The following ITGA4 variants were observed in gnomAD, a reference collection of about 807,000 sequenced individuals.
The protein encoded by ITGA4 is integrin alpha-4.
A neutral mutation model predicts 133.6 loss-of-function variants in ITGA4; 63 were observed. The ratio of observed to expected loss-of-function variants is 0.47; its 90% CI spans 0.38 to 0.58. The LOEUF (loss-of-function observed/expected upper bound fraction) is 0.58. ITGA4 is among the 20% of genes least tolerant of loss of function. The pLI, the probability that ITGA4 is intolerant of heterozygous loss-of-function variation, is 0.00. For synonymous variants in ITGA4, 483 were observed against 438.0 expected, an observed-to-expected ratio of 1.10 and a Z score of -1.28; for missense variants, 1,076 against 1,252.7, an observed-to-expected ratio of 0.86 and a Z score of 2.13.
intron 20 of ITGA4, 84 bp downstream of exon 20, chr2:181,524,334 T>C: frequency 1.3e-6 from 1 of 741,570 alleles, no homozygotes; most frequent in Non-Finnish European, 2.2e-6. Flanking sequence ...TAAAACTGTG[T>C]TCCATTAATT....
At chr2:181,512,734 G>T (rs144953356) in intron 17 of ITGA4, among the ~76,000 whole-genome samples, 3 of 152,006 alleles carry the variant, frequency 2.0e-5, no homozygotes, top group Non-Finnish European at 4.4e-5. Context: ...AAAATGTGAC[G>T]GGTGGTGAAA....
At chr2:181,524,981 T>G (rs1686803747) in intron 20 of ITGA4, among the ~76,000 whole-genome samples, 1 of 151,988 alleles carries the variant, frequency 6.6e-6, no homozygotes, top group African/African-American at 2.4e-5. Context: ...AATTCCTCTA[T>G]CTAGCATTAG....
chr2:181,460,701 CA>C (rs1269258168), intron 2 of ITGA4, among the ~76,000 whole-genome samples: 3 of 151,622 alleles, frequency 2.0e-5, no homozygotes, highest in Non-Finnish European at 4.4e-5. Context: ...ATAATACATT[CA>C]AAAAATAGTG....
chr2:181,495,349 T>G lies in ITGA4; in HGVS notation c.1340-22T>G, dbSNP rs1686136258. On this transcript the variant is annotated intron_variant, in intron 12 of 27. Transcript: ENST00000397033. This position sits in a 1 kb window ranked among gnomAD's most constrained non-coding sequence, Gnocchi z 4.3. Reference sequence around the variant, plus strand: ...CTTTGACTAATGATGATCATTAATCTGTGTTGTTTTTTATCCTCCAGATGT... The same window carrying G: ...CTTTGACTAATGATGATCATTAATCGGTGTTGTTTTTTATCCTCCAGATGT... 1.3e-6 allele frequency: 2 copies of G among 1,588,776 alleles called. No homozygotes were observed. The highest frequency in any genetic ancestry group is 1.7e-5 in the Admixed American group (1 of 59,890).
At chr2:181,513,818 C>G (rs1686554136) in intron 17 of ITGA4, among the ~76,000 whole-genome samples, 1 of 152,166 alleles carries the variant, frequency 6.6e-6, no homozygotes, top group African/African-American at 2.4e-5. Context: ...TAAATCTCAC[C>G]TGTTTCCTAG....
chr2:181,537,980 T>TAG lies in ITGA4; in HGVS notation c.*2456_*2457dup. On this transcript the variant is annotated 3_prime_UTR_variant, in exon 28 of 28. Coordinates refer to ENST00000397033, the MANE Select transcript of ITGA4 (RefSeq NM_000885.6). ...ATGGTGAACTGGTATGTGAGGGATCTAGAGTGCCATGTTCCTCAAGAGAAT... is the reference window on the plus strand; with the variant it reads ...ATGGTGAACTGGTATGTGAGGGATCTAGAGAGTGCCATGTTCCTCAAGAGAAT... 1 of 666,598 alleles carries TAG rather than the reference T, an allele frequency of 1.5e-6. No individual in the cohort carries two copies. The highest frequency in any genetic ancestry group is 2.8e-6 in the Non-Finnish European group (1 of 356,108). The allele number at this position is 666,598 out of a possible 1,614,324, so 41.3% of individuals were successfully genotyped here.
At position 181,537,213 on chromosome 2, in the gene ITGA4, ACTGTCTTCTCCAGGATGGT is replaced by A. The variant is rs1438225553; in HGVS notation, c.*1689_*1707del. The A allele has an allele frequency of 1.5e-5, 7 of 453,784 alleles. No homozygotes were observed. The highest frequency in any genetic ancestry group is 3.1e-5 in the Non-Finnish European group (7 of 226,730). 28.1% of individuals were successfully genotyped at this position (453,784 alleles called of 1,614,324 possible). A position where few individuals can be genotyped will look rare whatever the true frequency, so the allele number is the denominator to read the frequency against. On this transcript the variant is annotated 3_prime_UTR_variant, in exon 28 of 28. Coordinates refer to ENST00000397033, the MANE Select transcript of ITGA4 (RefSeq NM_000885.6). ...ATGAAAAATCAAGCCCCGATTTAGA[ACTGTCTTCTCCAGGATGGT>A]CTCTAAGGAAATTTACATTTGGTTC...
Position 181,495,500 on chromosome 2 carries a change from T to C in ITGA4, c.1385+84T>C. On this transcript the variant is annotated intron_variant, in intron 13 of 27. Coordinates refer to ENST00000397033, the MANE Select transcript of ITGA4 (RefSeq NM_000885.6). This position sits in a 1 kb window ranked among gnomAD's most constrained non-coding sequence, Gnocchi z 4.3. ...AGGTGGTGTTTAAAATCAGCAGTGG[T>C]AGTGACCTCATGATGCTCTTTTGGT... 4.0e-6 allele frequency: 4 copies of C among 989,440 alleles called. No homozygotes were observed. Among genetic ancestry groups the C allele is most frequent in the Non-Finnish European group, 6.5e-6 (4 of 615,340 alleles). 61.3% of individuals were successfully genotyped at this position (989,440 alleles called of 1,614,324 possible).
chr2:181,459,775 C>T lies in ITGA4; in HGVS notation c.319+1458C>T, dbSNP rs145303601. 6.0e-3 allele frequency among the ~76,000 whole-genome samples: 907 copies of T among 152,272 alleles called. 1 individual carries two copies. Among genetic ancestry groups the T allele is most frequent in the Admixed American group, 0.012 (176 of 15,296 alleles). On this transcript the variant is annotated intron_variant, in intron 2 of 27. Coordinates refer to ENST00000397033, the MANE Select transcript of ITGA4 (RefSeq NM_000885.6). ...ACTTTGGTCTGCCAGAGGATCTTGG[C>T]AAGGTCTCAGGAGGGAGCAATTTTA...
chr2:181,514,319 G>A (rs1026403), intron 17 of ITGA4, among the ~76,000 whole-genome samples: 91,420 of 151,818 alleles, frequency 0.6, 27,880 homozygotes, highest in South Asian at 0.84. Context: ...TGACAAATAG[G>A]GTTGAGTACC....
intron 25 of ITGA4, among the ~76,000 whole-genome samples, chr2:181,532,998 G>T (rs1686975740): frequency 1.3e-5 from 2 of 151,920 alleles, no homozygotes; most frequent in Admixed American, 1.3e-4. Flanking sequence ...TAGCTAAGAA[G>T]AAAAACTAAG....
intron 10 of ITGA4, among the ~76,000 whole-genome samples, chr2:181,488,156 G>A (rs1426394817): frequency 6.6e-6 from 1 of 152,230 alleles, no homozygotes; most frequent in African/African-American, 2.4e-5. Context: ...ACTGTTGTGA[G>A]CATAGGCAAA....
intron 10 of ITGA4, among the ~76,000 whole-genome samples, chr2:181,490,031 C>CA (rs1391903535): frequency 6.6e-6 from 1 of 152,050 alleles, no homozygotes; most frequent in Non-Finnish European, 1.5e-5. Context: ...ATTGAGCAAG[C>CA]AGGGGGTACG....
chr2:181,483,976 A>G (rs893515647), intron 9 of ITGA4, among the ~76,000 whole-genome samples: 11 of 152,080 alleles, frequency 7.2e-5, no homozygotes, highest in Admixed American at 7.2e-4. Flanking sequence ...CTGAGGCACT[A>G]CTCTTATGAA....
At chr2:181,499,453 A>T (rs1686223624) in intron 15 of ITGA4, among the ~76,000 whole-genome samples, 1 of 152,098 alleles carries the variant, frequency 6.6e-6, no homozygotes. Context: ...GGTCTTTTTC[A>T]TTAGGGAACG....
chr2:181,484,669 G>A (rs976873727), intron 9 of ITGA4, among the ~76,000 whole-genome samples: 1 of 152,180 alleles, frequency 6.6e-6, no homozygotes, highest in African/African-American at 2.4e-5. Context: ...TATAAAAAGA[G>A]CTAATAATCT....
chr2:181,489,311 A>G (rs915900076), intron 10 of ITGA4, among the ~76,000 whole-genome samples: 5 of 152,226 alleles, frequency 3.3e-5, no homozygotes, highest in African/African-American at 1.2e-4. Context: ...CTGTGTCCTT[A>G]GAAAAGCAAC....
intron 15 of ITGA4, among the ~76,000 whole-genome samples, chr2:181,499,916 G>T (rs3770116): frequency 0.11 from 16,973 of 152,104 alleles, 1,127 homozygotes; most frequent in East Asian, 0.21. Flanking sequence ...AAAGTGATCT[G>T]GTTTATTTAG....
At chr2:181,469,371 A>G (rs1007145507) in intron 2 of ITGA4, among the ~76,000 whole-genome samples, 1 of 152,204 alleles carries the variant, frequency 6.6e-6, no homozygotes, top group Non-Finnish European at 1.5e-5. Flanking sequence ...GCCCAACACC[A>G]ATCCGTAAAC....
Sources: allele counts gnomAD v4.1 joint callset (sites outside exome capture counted in the v4.1 genomes callset), GRCh38; gene constraint gnomAD v4.1.1; non-coding constraint Gnocchi (gnomAD v3.1); transcripts MANE v1.5; gene names NCBI Gene and HGNC (gene_info 2026-07-23, HGNC 2026-07-21).